C10orf90: variants seen among roughly 807,000 people sequenced by gnomAD.
The protein encoded by C10orf90 is (E2-independent) E3 ubiquitin-conjugating enzyme FATS.
C10orf90 carries 56 observed loss-of-function variants against 62.5 expected under a neutral mutation model. That is an observed-to-expected ratio of 0.90 (90% CI 0.72 to 1.12). C10orf90 has a LOEUF of 1.12. C10orf90 is among the 50% of genes most tolerant of loss of function. The pLI is 0.00. For missense variants in C10orf90, 970 were observed against 880.4 expected (o/e 1.10, Z -1.29); for synonymous variants, 386 against 340.4 (o/e 1.13, Z -1.47).
chr10:126,568,794 A>G (rs1344763079), intron 2 of C10orf90, among the ~76,000 whole-genome samples: 1 of 152,168 alleles, frequency 6.6e-6, no homozygotes, highest in Non-Finnish European at 1.5e-5. Context: ...GCCATTTCCC[A>G]GTGTAACTGG....
In C10orf90 at chr10:126,504,129, G is replaced by A. The variant is rs373128090; in HGVS notation, c.1362C>T (p.Thr454=). The change falls in exon 4 of 10, where the codon ACC becomes ACT. Residue 454 remains threonine (T), a synonymous_variant. Transcript: ENST00000488181. The surrounding 1 kb of genome is among the most constrained non-coding windows in gnomAD (Gnocchi z 4.1). Reference sequence around the variant, plus strand: ...AAGAACCACTCCAAGGACAAGCGCCGGTCCCCAAATGCACCCGCCTCAACG... The same window carrying A: ...AAGAACCACTCCAAGGACAAGCGCCAGTCCCCAAATGCACCCGCCTCAACG... ...TPSLRRVHLG[T]GACPWSGSFP... is the part of the protein sequence containing the mutation. 6 of 1,614,034 alleles carry A rather than the reference G, an allele frequency of 3.7e-6. No homozygotes were observed. Among genetic ancestry groups the A allele is most frequent in the Admixed American group, 3.3e-5 (2 of 60,008 alleles).
chr10:126,615,305 G>A (rs984402678), intron 2 of C10orf90, among the ~76,000 whole-genome samples: 1 of 152,282 alleles, frequency 6.6e-6, no homozygotes, highest in Middle Eastern at 3.4e-3. Context: ...ATTCATTGGA[G>A]GCCACTTCTA....
intron 2 of C10orf90, among the ~76,000 whole-genome samples, chr10:126,548,202 T>C (rs1053625856): frequency 2.3e-4 from 35 of 152,294 alleles, no homozygotes; most frequent in African/African-American, 7.9e-4. Flanking sequence ...CTTTAAAAAT[T>C]TGTATTGAAA....
intron 2 of C10orf90, among the ~76,000 whole-genome samples, chr10:126,600,844 C>T (rs1022627388): frequency 2.0e-5 from 3 of 152,108 alleles, no homozygotes; most frequent in African/African-American, 7.2e-5. Context: ...CTGGGTCTTA[C>T]CCAAAAGGAG....
chr10:126,542,167 T>A (rs1864389901), intron 2 of C10orf90, among the ~76,000 whole-genome samples: 1 of 152,164 alleles, frequency 6.6e-6, no homozygotes, highest in Non-Finnish European at 1.5e-5. Context: ...CTGGGGGAAA[T>A]AGGGACTGGG....
At chr10:126,436,289 A>G (rs1718031056) in intron 7 of C10orf90, among the ~76,000 whole-genome samples, 1 of 152,224 alleles carries the variant, frequency 6.6e-6, no homozygotes, top group South Asian at 2.1e-4. Flanking sequence ...AGTGGTACAG[A>G]CTATTTTCTG....
chr10:126,500,062 A>T (rs2133869144), intron 4 of C10orf90, among the ~76,000 whole-genome samples: 1 of 152,264 alleles, frequency 6.6e-6, no homozygotes, highest in East Asian at 1.9e-4. Flanking sequence ...GCTGAGGAGG[A>T]TTTCTGAGCC....
intron 2 of C10orf90, among the ~76,000 whole-genome samples, chr10:126,591,399 A>G (rs1240181681): frequency 1.3e-5 from 2 of 152,246 alleles, no homozygotes; most frequent in Admixed American, 1.3e-4. Flanking sequence ...AATATATGCA[A>G]ATCAATAAAT....
chr10:126,615,966 G>A lies in C10orf90; in HGVS notation c.313+30599C>T, dbSNP rs1337956672. ...ACCTTCACTGGTGTCCAAGGTCTAG[G>A]GGATTTGTGAGTGGCTTGTACTATT... On this transcript the variant is annotated intron_variant, in intron 2 of 9. Transcript: ENST00000488181. 3.3e-5 allele frequency among the ~76,000 whole-genome samples: 5 copies of A among 152,208 alleles called. 1 individual carries two copies. Among genetic ancestry groups the A allele is most frequent in the Admixed American group, 2.0e-4 (3 of 15,278 alleles).
In C10orf90 at chr10:126,429,796, C is replaced by T. The variant is rs747778520; in HGVS notation, c.2243G>A (p.Arg748Gln). ...TACAATAACCAAGTACCTCTTAGAT[C>T]GCATATGCATCTCCTTCTCTGAAAT... ...RCISEKEMHM[R>Q]SKRIYDNLPE... Residue 748 changes from arginine (R) to glutamine (Q), a missense_variant, in exon 8 of 10, where the codon CGA becomes CAA. Transcript: ENST00000488181. 1.7e-5 allele frequency: 27 copies of T among 1,613,826 alleles called. No individual in the cohort carries two copies. The highest frequency in any genetic ancestry group is 6.6e-5 in the South Asian group (6 of 91,068).
chr10:126,643,366 A>T (rs1014058569), intron 2 of C10orf90, among the ~76,000 whole-genome samples: 6 of 152,164 alleles, frequency 3.9e-5, no homozygotes, highest in Admixed American at 6.5e-5. Context: ...AACATCAGAC[A>T]TCTCAGAGAA....
rs141454571 is a variant in C10orf90, at chr10:126,648,436, G to C, written c.241-1799C>G. Among the ~76,000 whole-genome samples, 8 of 152,324 alleles carry C rather than the reference G, an allele frequency of 5.3e-5. No individual in the cohort carries two copies. The East Asian group carries it at 1.5e-3, about 29-fold the overall frequency. On this transcript the variant is annotated intron_variant, in intron 1 of 9. Transcript: ENST00000488181. ...GTTGTTTATAAATTACTAAGTCTCA[G>C]ATGGTCTGTTATAGCAGCACAAAGA... is the stretch of plus-strand genomic sequence containing the variant.
intron 4 of C10orf90, among the ~76,000 whole-genome samples, chr10:126,490,655 TA>T (rs1405551864): frequency 6.6e-6 from 1 of 152,014 alleles, no homozygotes; most frequent in Non-Finnish European, 1.5e-5. Flanking sequence ...TATCAAAATT[TA>T]AAAAAAGAAG....
chr10:126,515,625 A>C (rs1052105439), intron 2 of C10orf90, among the ~76,000 whole-genome samples: 1 of 152,174 alleles, frequency 6.6e-6, no homozygotes, highest in African/African-American at 2.4e-5. Flanking sequence ...ACACCAACAA[A>C]ATCCTCCAAC....
chr10:126,432,671 G>T (rs975809286), intron 7 of C10orf90, among the ~76,000 whole-genome samples: 6 of 152,214 alleles, frequency 3.9e-5, no homozygotes, highest in Admixed American at 3.3e-4. Context: ...CTGAAAGTGG[G>T]TCATCGTGGC....
intron 2 of C10orf90, among the ~76,000 whole-genome samples, chr10:126,615,784 G>A (rs1042048994): frequency 1.3e-5 from 2 of 152,178 alleles, no homozygotes; most frequent in African/African-American, 4.8e-5. Flanking sequence ...AAGGCATTAT[G>A]GGAGTAGAGA....
rs891222480 is a variant in C10orf90 at position 126,664,206 on chromosome 10, G to C, written c.240+6035C>G. 2.0e-5 allele frequency among the ~76,000 whole-genome samples: 3 copies of C among 152,120 alleles called. No homozygotes were observed. The South Asian group carries it at 6.2e-4, about 31-fold the overall frequency. ...AATATAGAAGGTCATAAGTCTCTGT[G>C]ACCTGACGCTCTGAGTGTGGGGAAG... On this transcript the variant is annotated intron_variant, in intron 1 of 9. Transcript: ENST00000488181.
At chr10:126,592,430 C>A (rs1003854650) in intron 2 of C10orf90, among the ~76,000 whole-genome samples, 1 of 152,144 alleles carries the variant, frequency 6.6e-6, no homozygotes, top group African/African-American at 2.4e-5. Flanking sequence ...CTGACAAAAA[C>A]AAGCAATGGG....
intron 1 of C10orf90, among the ~76,000 whole-genome samples, chr10:126,647,278 T>C (rs1846190819): frequency 6.6e-6 from 1 of 152,198 alleles, no homozygotes; most frequent in African/African-American, 2.4e-5. Context: ...CCTTGGAGTA[T>C]CCTGTGACCT....
Sources: allele counts gnomAD v4.1 joint callset (sites outside exome capture counted in the v4.1 genomes callset), GRCh38; gene constraint gnomAD v4.1.1; non-coding constraint Gnocchi (gnomAD v3.1); transcripts MANE v1.5; gene names NCBI Gene and HGNC (gene_info 2026-07-23, HGNC 2026-07-21).